Variants in KIAA1328 observed in about 807,000 individuals in gnomAD.
KIAA1328 encodes protein hinderin.
In KIAA1328, 52 loss-of-function variants were observed where a neutral mutation model predicts 68.1. The ratio of observed to expected loss-of-function variants is 0.76; its 90% CI spans 0.61 to 0.96. The LOEUF (loss-of-function observed/expected upper bound fraction) is 0.96. Ranked by LOEUF, KIAA1328 falls within the 40% of genes least tolerant of loss-of-function variation. The pLI is 0.00. For synonymous variants in KIAA1328, 232 were observed against 239.4 expected, an observed-to-expected ratio of 0.97 and a Z score of 0.28; for missense variants, 641 against 677.6, an observed-to-expected ratio of 0.95 and a Z score of 0.60.
intron 4 of KIAA1328, among the ~76,000 whole-genome samples, chr18:36,872,183 T>TC (rs1029172944): frequency 4.3e-4 from 66 of 151,812 alleles, no homozygotes; most frequent in African/African-American, 1.5e-3. Flanking sequence ...GTGAGGAGGG[T>TC]CCAGGGGGAG....
At chr18:36,904,829 T>C (rs2151044973) in intron 5 of KIAA1328, among the ~76,000 whole-genome samples, 1 of 152,130 alleles carries the variant, frequency 6.6e-6, no homozygotes, top group South Asian at 2.1e-4. Flanking sequence ...ATATTTAAAA[T>C]TTTCTATTTT....
chr18:36,945,655 ACT>A (rs1337454529), intron 5 of KIAA1328, among the ~76,000 whole-genome samples: 1 of 152,148 alleles, frequency 6.6e-6, no homozygotes, highest in Non-Finnish European at 1.5e-5. Flanking sequence ...AGTACTTGCA[ACT>A]CTGGTGAGAA....
chr18:36,864,295 G>A (rs1303053283), intron 4 of KIAA1328, among the ~76,000 whole-genome samples: 1 of 148,928 alleles, frequency 6.7e-6, no homozygotes, highest in Non-Finnish European at 1.5e-5. Context: ...TGCCTCACTT[G>A]TTATAATTGT....
intron 3 of KIAA1328, among the ~76,000 whole-genome samples, chr18:36,840,374 G>A (rs1361152748): frequency 3.9e-5 from 6 of 151,978 alleles, no homozygotes; most frequent in African/African-American, 7.3e-5. Context: ...GGGGGTATAT[G>A]TGTCTATGTG....
At chr18:36,941,399 A>G in intron 5 of KIAA1328, among the ~76,000 whole-genome samples, 1 of 152,048 alleles carries the variant, frequency 6.6e-6, no homozygotes, top group Non-Finnish European at 1.5e-5. Flanking sequence ...GTTCGAGACT[A>G]GCGTGGCCAA....
At chr18:36,933,929 T>C (rs573822833) in intron 5 of KIAA1328, among the ~76,000 whole-genome samples, 2 of 152,168 alleles carry the variant, frequency 1.3e-5, no homozygotes, top group Non-Finnish European at 2.9e-5. Flanking sequence ...TGGAGAACTT[T>C]GGGGGATAGG....
intron 6 of KIAA1328, among the ~76,000 whole-genome samples, chr18:37,066,331 C>T (rs910151919): frequency 2.0e-5 from 3 of 152,118 alleles, no homozygotes; most frequent in Non-Finnish European, 4.4e-5. Context: ...ATTTAAATAA[C>T]GCTTTTGATT....
chr18:36,919,879 G>A (rs1449312064), intron 5 of KIAA1328, among the ~76,000 whole-genome samples: 3 of 152,116 alleles, frequency 2.0e-5, no homozygotes, highest in Non-Finnish European at 4.4e-5. Flanking sequence ...TTTGAGAAGT[G>A]TCTGTTCATG....
At chr18:37,193,327 A>G (rs890621033) in intron 9 of KIAA1328, among the ~76,000 whole-genome samples, 8 of 152,188 alleles carry the variant, frequency 5.3e-5, no homozygotes, top group Admixed American at 5.2e-4. Flanking sequence ...TTTAAAAGGT[A>G]GCATATACAT....
chr18:36,933,085 A>G (rs1171501954), intron 5 of KIAA1328, among the ~76,000 whole-genome samples: 1 of 152,180 alleles, frequency 6.6e-6, no homozygotes, highest in African/African-American at 2.4e-5. Context: ...AATGATTTGC[A>G]TTCAACACAC....
intron 6 of KIAA1328, among the ~76,000 whole-genome samples, chr18:37,057,170 A>G (rs553546842): frequency 6.6e-6 from 1 of 152,266 alleles, no homozygotes; most frequent in East Asian, 1.9e-4. Context: ...CACTTTTATT[A>G]CTGGGTTTTG....
intron 6 of KIAA1328, among the ~76,000 whole-genome samples, chr18:37,024,375 T>TTA (rs56007377): frequency 0.89 from 130,221 of 146,122 alleles, 59,980 homozygotes; most frequent in East Asian, 1. Context: ...TTACTTTATT[T>TTA]TATATATATA....
At chr18:37,052,951 T>C (rs947234934) in intron 6 of KIAA1328, among the ~76,000 whole-genome samples, 3 of 152,268 alleles carry the variant, frequency 2.0e-5, no homozygotes, top group Non-Finnish European at 4.4e-5. Flanking sequence ...GCAAACCCTA[T>C]CAAGTTACCA....
chr18:37,016,143 A>G (rs1233655432), intron 6 of KIAA1328, among the ~76,000 whole-genome samples: 1 of 152,078 alleles, frequency 6.6e-6, no homozygotes, highest in East Asian at 1.9e-4. Flanking sequence ...TTTGTCTTAG[A>G]TAGCTCTTAT....
intron 5 of KIAA1328, among the ~76,000 whole-genome samples, chr18:36,908,660 A>G (rs2049311910): frequency 6.6e-6 from 1 of 152,096 alleles, no homozygotes; most frequent in Non-Finnish European, 1.5e-5. Flanking sequence ...TTTAATAGCT[A>G]ATTATTACCA....
intron 7 of KIAA1328, among the ~76,000 whole-genome samples, chr18:37,142,607 A>C (rs1011089625): frequency 6.6e-6 from 1 of 152,028 alleles, no homozygotes; most frequent in Non-Finnish European, 1.5e-5. Flanking sequence ...ATGTGTACAC[A>C]CACACACACA....
rs2150809677 is a variant in KIAA1328 at position 36,844,442 on chromosome 18, G to T, written c.332+140G>T. 4.0e-6 allele frequency: 2 copies of T among 495,844 alleles called. 1 individual carries two copies. Among genetic ancestry groups the T allele is most frequent in the Non-Finnish European group, 6.9e-6 (2 of 289,024 alleles). 30.7% of individuals were successfully genotyped at this position (495,844 alleles called of 1,614,324 possible). ...GAGTTTTGGAAAAAAGACATTCTGT[G>T]ATGTCAGAATCCTCTCAAAAAGCTT... On this transcript the variant is annotated intron_variant, in intron 4 of 9. Coordinates refer to ENST00000280020, the MANE Select transcript of KIAA1328 (RefSeq NM_020776.3).
Position 37,035,657 on chromosome 18 carries a change from G to A in KIAA1328, c.577-31233G>A, listed in dbSNP as rs117050020. Among the ~76,000 whole-genome samples the A allele has an allele frequency of 1.0e-3, 157 of 152,214 alleles. 3 individuals carry two copies. In the East Asian group the frequency reaches 0.023, roughly 23 times the overall value. On this transcript the variant is annotated intron_variant, in intron 6 of 9. Coordinates refer to ENST00000280020, the MANE Select transcript of KIAA1328 (RefSeq NM_020776.3). ...AAGCAAAACTCAACTTCACGTCCCC[G>A]AATCTCTTCCCGTATTATAGTTTTA...
chr18:37,095,717 A>G (rs1442435888), intron 7 of KIAA1328, among the ~76,000 whole-genome samples: 3 of 151,060 alleles, frequency 2.0e-5, no homozygotes, highest in Admixed American at 2.0e-4. Flanking sequence ...AAAAAATTGT[A>G]TTTTTTGGAA....
Sources: allele counts gnomAD v4.1 joint callset (sites outside exome capture counted in the v4.1 genomes callset), GRCh38; gene constraint gnomAD v4.1.1; transcripts MANE v1.5; gene names NCBI Gene and HGNC (gene_info 2026-07-23, HGNC 2026-07-21).